The following MEI4 variants were observed in gnomAD, a reference collection of about 807,000 sequenced individuals.
MEI4 encodes the protein meiosis-specific protein MEI4.
In MEI4, 27 loss-of-function variants were observed where a neutral mutation model predicts 31.4. That is an observed-to-expected ratio of 0.86 (90% CI 0.63 to 1.19). The LOEUF is 1.19. MEI4 is among the 50% of genes most tolerant of loss of function. The pLI is 0.00. For missense variants in MEI4, 329 were observed against 398.9 expected (o/e 0.82, Z 1.49); for synonymous variants, 122 against 145.4 (o/e 0.84, Z 1.16).
At chr6:77,827,318 G>A (rs1310924061) in intron 3 of MEI4, among the ~76,000 whole-genome samples, 1 of 131,384 alleles carries the variant, frequency 7.6e-6, no homozygotes, top group Non-Finnish European at 1.5e-5. Context: ...TGGAGATCCC[G>A]CCACTGCACT....
chr6:77,915,269 C>A (rs190276038), intron 4 of MEI4, among the ~76,000 whole-genome samples: 7 of 151,552 alleles, frequency 4.6e-5, no homozygotes, highest in Admixed American at 4.6e-4. Flanking sequence ...TGGTAGATAT[C>A]TTCATTTCAC....
intron 3 of MEI4, among the ~76,000 whole-genome samples, chr6:77,825,140 G>A (rs114290688): frequency 0.014 from 2,195 of 152,224 alleles, 54 homozygotes; most frequent in African/African-American, 0.05. Context: ...AAATGTCAGT[G>A]ACTCAAGGAT....
At chr6:77,774,929 G>T (rs1327800285) in intron 3 of MEI4, among the ~76,000 whole-genome samples, 1 of 151,966 alleles carries the variant, frequency 6.6e-6, no homozygotes, top group Non-Finnish European at 1.5e-5. Flanking sequence ...AGTGTATACA[G>T]GGCCACATAT....
intron 3 of MEI4, among the ~76,000 whole-genome samples, chr6:77,774,935 C>T (rs1362977842): frequency 6.6e-6 from 1 of 152,062 alleles, no homozygotes; most frequent in Non-Finnish European, 1.5e-5. Context: ...TACAGGGCCA[C>T]ATATCTTCCT....
intron 4 of MEI4, among the ~76,000 whole-genome samples, chr6:77,851,725 A>G (rs1770629199): frequency 6.6e-6 from 1 of 152,104 alleles, no homozygotes; most frequent in South Asian, 2.1e-4. Flanking sequence ...TGGTACATGT[A>G]TACATATGTA....
At chr6:77,748,513 G>T (rs999898117) in intron 2 of MEI4, among the ~76,000 whole-genome samples, 1 of 152,200 alleles carries the variant, frequency 6.6e-6, no homozygotes, top group Admixed American at 6.5e-5. Flanking sequence ...CAGAGCAGGA[G>T]TGTGGTCCTG....
rs1766751015 is a variant in MEI4, at chr6:77,923,181, C to G, written c.993C>G (p.Gly331=). Reference sequence around the variant, plus strand: ...TTCTTCAAAAGGAAACCGAAGAAGGCAACACTTCAAGTATAGGTCATGATG... The same window carrying G: ...TTCTTCAAAAGGAAACCGAAGAAGGGAACACTTCAAGTATAGGTCATGATG... ...EQLLQKETEE[G]NTSSIGHDDQ... Residue 331 remains glycine (G), a synonymous_variant, in exon 5 of 5, where the codon GGC becomes GGG. Transcript: ENST00000684080. 1 of 1,230,468 alleles carries G rather than the reference C, an allele frequency of 8.1e-7. No individual in the cohort carries two copies. Among genetic ancestry groups the G allele is most frequent in the South Asian group, 4.1e-5 (1 of 24,306 alleles). 76.2% of individuals were successfully genotyped at this position (1,230,468 alleles called of 1,614,324 possible).
chr6:77,848,526 A>G (rs1770539397), intron 4 of MEI4, among the ~76,000 whole-genome samples: 1 of 152,174 alleles, frequency 6.6e-6, no homozygotes, highest in Admixed American at 6.6e-5. Context: ...ATTGAAAACT[A>G]GAGAAAAAAG....
chr6:77,728,898 T>A (rs1766897576), intron 2 of MEI4, among the ~76,000 whole-genome samples: 1 of 152,184 alleles, frequency 6.6e-6, no homozygotes, highest in African/African-American at 2.4e-5. Flanking sequence ...AACTTCTTGC[T>A]CTGGCTGCTG....
At chr6:77,650,601 C>A (rs1426212937), upstream of MEI4, among the ~76,000 whole-genome samples, 2 of 152,232 alleles carry the variant, frequency 1.3e-5, no homozygotes, top group African/African-American at 2.4e-5. Context: ...CCCTGCACAG[C>A]TTTCCAGGAC....
At position 77,879,168 on chromosome 6, in the gene MEI4, A is replaced by AATCAT. The variant is rs201572892; in HGVS notation, c.901-43920_901-43916dup. ...TATTTTCCTTTGAATTTAAAATAAA[A>AATCAT]ATCATGTAAATATTATTTTCTCATA... is the stretch of plus-strand genomic sequence containing the variant. On this transcript the variant is annotated intron_variant, in intron 4 of 4. Transcript: ENST00000684080. Among the ~76,000 whole-genome samples, 1,323 of 152,314 alleles carry AATCAT rather than the reference A, an allele frequency of 8.7e-3. 8 individuals are homozygous for AATCAT. The highest frequency in any genetic ancestry group is 0.013 in the Non-Finnish European group (867 of 68,016).
chr6:77,822,767 C>T (rs575218470), intron 3 of MEI4, among the ~76,000 whole-genome samples: 1 of 151,542 alleles, frequency 6.6e-6, no homozygotes, highest in South Asian at 2.1e-4. Context: ...ATACAGGCAC[C>T]CACCACCACT....
chr6:77,717,069 C>T (rs1465330824), intron 2 of MEI4, among the ~76,000 whole-genome samples: 2 of 140,654 alleles, frequency 1.4e-5, no homozygotes, highest in Non-Finnish European at 3.1e-5. Context: ...GGGGAACCAG[C>T]GTTCAGCATA....
At chr6:77,662,258 G>A (rs969948697) in intron 1 of MEI4, among the ~76,000 whole-genome samples, 2 of 152,192 alleles carry the variant, frequency 1.3e-5, no homozygotes, top group Non-Finnish European at 2.9e-5. Context: ...AGCATAGCCT[G>A]CCTTTGCTGG....
chr6:77,791,427 A>G (rs1055577581), intron 3 of MEI4, among the ~76,000 whole-genome samples: 6 of 150,338 alleles, frequency 4.0e-5, no homozygotes, highest in East Asian at 2.0e-4. Context: ...AAACTATCGC[A>G]AGAACAAAAA....
chr6:77,828,376 G>A (rs913820208), intron 3 of MEI4, among the ~76,000 whole-genome samples: 21 of 151,964 alleles, frequency 1.4e-4, no homozygotes, highest in African/African-American at 4.4e-4. Flanking sequence ...TGTGGCATTA[G>A]ATTCTCATAG....
At chr6:77,653,968 C>T (rs1012144158) in intron 1 of MEI4, among the ~76,000 whole-genome samples, 2 of 152,092 alleles carry the variant, frequency 1.3e-5, no homozygotes, top group African/African-American at 4.8e-5. Flanking sequence ...TGTTTCTGAA[C>T]AGTGCCAGAA....
chr6:77,726,717 AT>A (rs1377398105), intron 2 of MEI4, among the ~76,000 whole-genome samples: 5 of 152,204 alleles, frequency 3.3e-5, no homozygotes, highest in Non-Finnish European at 5.9e-5. Context: ...AAACAGGAAA[AT>A]CTGCTAGGAG....
At chr6:77,899,043 A>G (rs1213147595) in intron 4 of MEI4, among the ~76,000 whole-genome samples, 1 of 151,980 alleles carries the variant, frequency 6.6e-6, no homozygotes, top group African/African-American at 2.4e-5. Context: ...CTATTAATCC[A>G]TGGGTGTCCC....
Sources: gnomAD v4.1 joint callset for allele counts (sites outside exome capture counted in the v4.1 genomes callset) on GRCh38, gnomAD v4.1.1 for gene constraint, MANE v1.5 for transcripts, NCBI Gene and HGNC (gene_info 2026-07-23, HGNC 2026-07-21) for gene names.